WWOX: variants seen among roughly 807,000 people sequenced by gnomAD.
WWOX encodes the protein WW domain-containing oxidoreductase.
In WWOX, 69 loss-of-function variants were observed where a neutral mutation model predicts 46.2. The observed-to-expected ratio is 1.49, with a 90% CI of 1.23 to 1.82. The LOEUF (loss-of-function observed/expected upper bound fraction) is 1.82. Among genes scored for constraint, WWOX ranks in the 40% most tolerant of loss-of-function variants. The pLI is 0.00. For missense variants in WWOX, 919 were observed against 542.6 expected, an observed-to-expected ratio of 1.69 and a Z score of -6.89; for synonymous variants, 359 against 202.6, an observed-to-expected ratio of 1.77 and a Z score of -6.56.
intron 5 of WWOX, among the ~76,000 whole-genome samples, chr16:78,321,330 ATATATG>A (rs2080468912): frequency 7.8e-6 from 1 of 128,134 alleles, no homozygotes; most frequent in South Asian, 2.4e-4. Flanking sequence ...ATATATACGT[ATATATG>A]CGTATATATA....
At chr16:78,671,628 A>G (rs183566423) in intron 8 of WWOX, among the ~76,000 whole-genome samples, 1 of 152,160 alleles carries the variant, frequency 6.6e-6, no homozygotes, top group East Asian at 1.9e-4. Context: ...GAGATTCCCT[A>G]TCTCATTTGG....
intron 8 of WWOX, among the ~76,000 whole-genome samples, chr16:79,058,440 G>T (rs1009908153): frequency 7.9e-5 from 12 of 152,028 alleles, no homozygotes; most frequent in Non-Finnish European, 1.8e-4. Context: ...AGGGAATGAT[G>T]AATGTAGTGA....
chr16:79,037,215 G>A (rs1486542226), intron 8 of WWOX, among the ~76,000 whole-genome samples: 1 of 152,150 alleles, frequency 6.6e-6, no homozygotes, highest in African/African-American at 2.4e-5. Flanking sequence ...ATTGCCAACA[G>A]TAATTCATTT....
At chr16:78,529,232 G>T (rs1190097320) in intron 8 of WWOX, among the ~76,000 whole-genome samples, 2 of 152,036 alleles carry the variant, frequency 1.3e-5, no homozygotes, top group Non-Finnish European at 2.9e-5. Flanking sequence ...CGAGATTATG[G>T]GTATGAGCTA....
intron 8 of WWOX, among the ~76,000 whole-genome samples, chr16:78,952,517 G>A (rs1000221397): frequency 1.3e-5 from 2 of 151,780 alleles, no homozygotes; most frequent in Admixed American, 1.3e-4. Flanking sequence ...TGAGTAGCTG[G>A]GATTACAGGC....
intron 8 of WWOX, among the ~76,000 whole-genome samples, chr16:78,626,941 C>T (rs150253160): frequency 6.6e-6 from 1 of 152,156 alleles, no homozygotes; most frequent in Admixed American, 6.5e-5. Context: ...CTGTTGGCTC[C>T]TGTGTTCTTG....
intron 5 of WWOX, among the ~76,000 whole-genome samples, chr16:78,164,645 C>T (rs1046225458): frequency 8.6e-5 from 13 of 152,012 alleles, no homozygotes; most frequent in Non-Finnish European, 1.9e-4. Flanking sequence ...AGGCTTTAAC[C>T]CTATCTCTAA....
intron 8 of WWOX, among the ~76,000 whole-genome samples, chr16:78,881,241 C>T (rs987004866): frequency 9.2e-5 from 14 of 151,962 alleles, no homozygotes; most frequent in Admixed American, 3.3e-4. Context: ...TGGGCTCAAG[C>T]GATTCACGTG....
At chr16:78,895,358 C>G (rs941837584) in intron 8 of WWOX, 1 of 152,110 alleles carries the variant, frequency 6.6e-6, no homozygotes, top group Non-Finnish European at 1.5e-5. Context: ...TTCCCAGTAC[C>G]CTAGAAACAC....
chr16:78,756,227 G>A (rs566752453), intron 8 of WWOX, among the ~76,000 whole-genome samples: 1 of 152,252 alleles, frequency 6.6e-6, no homozygotes, highest in East Asian at 1.9e-4. Context: ...CTTTCCAGCT[G>A]GCCCTGTTGC....
At chr16:79,118,881 C>G (rs1426280541) in intron 8 of WWOX, among the ~76,000 whole-genome samples, 2 of 152,126 alleles carry the variant, frequency 1.3e-5, no homozygotes, top group Non-Finnish European at 2.9e-5. Context: ...TGTGATAGTC[C>G]ACAGAGGGGA....
At chr16:78,458,322 G>A (rs575702244) in intron 8 of WWOX, among the ~76,000 whole-genome samples, 24 of 146,922 alleles carry the variant, frequency 1.6e-4, no homozygotes, top group Admixed American at 2.1e-4. Context: ...GTACAGTGGC[G>A]TGATCACAGC....
chr16:78,763,804 C>T (rs530767324), intron 8 of WWOX, among the ~76,000 whole-genome samples: 15 of 152,320 alleles, frequency 9.8e-5, no homozygotes, highest in African/African-American at 2.9e-4. Context: ...AAGACCTAGC[C>T]GAAGCATAAT....
At chr16:78,137,834 A>G (rs533019222) in intron 4 of WWOX, among the ~76,000 whole-genome samples, 2 of 151,442 alleles carry the variant, frequency 1.3e-5, no homozygotes, top group East Asian at 1.9e-4. Flanking sequence ...TATGTGCTGT[A>G]CTTGAGCAGT....
intron 3 of WWOX, among the ~76,000 whole-genome samples, chr16:78,111,524 G>A (rs913741924): frequency 3.3e-5 from 5 of 152,120 alleles, no homozygotes; most frequent in East Asian, 1.9e-4. Flanking sequence ...AAGCGGTAAC[G>A]CCAGTGTCTG....
intron 8 of WWOX, among the ~76,000 whole-genome samples, chr16:78,828,369 C>A (rs74031703): frequency 0.017 from 2,649 of 152,152 alleles, 65 homozygotes; most frequent in African/African-American, 0.055. Context: ...GTGAGAAGAA[C>A]GGATACGGTT....
intron 5 of WWOX, among the ~76,000 whole-genome samples, chr16:78,379,566 G>T (rs183470347): frequency 6.6e-6 from 1 of 152,300 alleles, no homozygotes; most frequent in East Asian, 1.9e-4. Context: ...AAAAGTCTGT[G>T]CCAGGGATTC....
chr16:78,171,963 A>G (rs1444128543), intron 5 of WWOX, among the ~76,000 whole-genome samples: 5 of 152,192 alleles, frequency 3.3e-5, no homozygotes, highest in Non-Finnish European at 7.3e-5. Flanking sequence ...TTAGCATTTA[A>G]CAGTAAAGTA....
intron 8 of WWOX, among the ~76,000 whole-genome samples, chr16:79,120,796 TCTCA>T (rs1369221233): frequency 6.6e-6 from 1 of 152,234 alleles, no homozygotes; most frequent in Non-Finnish European, 1.5e-5. Flanking sequence ...TGAGACACAG[TCTCA>T]CTCTGTTGCC....
Sources: allele counts gnomAD v4.1 joint callset (sites outside exome capture counted in the v4.1 genomes callset), GRCh38; gene constraint gnomAD v4.1.1; transcripts MANE v1.5; gene names NCBI Gene and HGNC (gene_info 2026-07-23, HGNC 2026-07-21).